The following ACSL3 variants were observed in gnomAD, a reference collection of about 807,000 sequenced individuals.
ACSL3 encodes acyl-CoA synthetase long chain family member 3.
ACSL3 carries 34 observed loss-of-function variants against 84.7 expected under a neutral mutation model. That is an observed-to-expected ratio of 0.40 (90% confidence interval 0.31 to 0.53). The LOEUF (loss-of-function observed/expected upper bound fraction) is 0.53. ACSL3 is among the 20% of genes least tolerant of loss of function. The probability of loss-of-function intolerance (pLI) is 0.48; values close to 1 mark genes in which losing one functional copy is unlikely to be tolerated. For synonymous variants in ACSL3, 315 were observed against 299.4 expected, an observed-to-expected ratio of 1.05 and a Z score of -0.54; for missense variants, 680 against 873.1, an observed-to-expected ratio of 0.78 and a Z score of 2.79.
intron 1 of ACSL3, among the ~76,000 whole-genome samples, chr2:222,864,285 T>G (rs1273646382): frequency 6.6e-6 from 1 of 152,062 alleles, no homozygotes; most frequent in Non-Finnish European, 1.5e-5. Context: ...AGGTACTGGT[T>G]TTGTGCTGAG....
chr2:222,866,393 C>T (rs1459803840), intron 1 of ACSL3, among the ~76,000 whole-genome samples: 1 of 152,192 alleles, frequency 6.6e-6, no homozygotes, highest in Non-Finnish European at 1.5e-5. Flanking sequence ...GATCCGCCCG[C>T]CTCGCCCTCC....
intron 4 of ACSL3, among the ~76,000 whole-genome samples, chr2:222,911,689 A>C (rs192010486): frequency 3.3e-5 from 5 of 152,336 alleles, no homozygotes; most frequent in Non-Finnish European, 7.4e-5. Flanking sequence ...AAAGAAGAAA[A>C]GCTTATGTGG....
At chr2:222,934,149 TTTTAA>T (rs1427656303) in intron 15 of ACSL3, among the ~76,000 whole-genome samples, 1 of 152,268 alleles carries the variant, frequency 6.6e-6, no homozygotes, top group Non-Finnish European at 1.5e-5. Flanking sequence ...TTAAGATAGT[TTTTAA>T]TTTATGTTAA....
At chr2:222,901,561 A>G (rs6719075) in intron 3 of ACSL3, among the ~76,000 whole-genome samples, 47,157 of 152,062 alleles carry the variant, frequency 0.31, 7,572 homozygotes, top group Admixed American at 0.41. Context: ...GAATTTTAAA[A>G]TCAGCTTACT....
chr2:222,917,847 T>TG, intron 5 of ACSL3, 199 bp from the exon 6 acceptor site: 1 of 374,138 alleles, frequency 2.7e-6, no homozygotes, highest in Non-Finnish European at 4.7e-6. Flanking sequence ...TTGGAAATCT[T>TG]GGGGCATTTA....
At chr2:222,924,851 G>A (rs1411397148) in intron 11 of ACSL3, among the ~76,000 whole-genome samples, 1 of 151,634 alleles carries the variant, frequency 6.6e-6, no homozygotes, top group Non-Finnish European at 1.5e-5. Context: ...GTGAAACCCC[G>A]TCTCTACTAA....
At chr2:222,922,142 T>C (rs1291118203) in intron 8 of ACSL3, among the ~76,000 whole-genome samples, 1 of 152,238 alleles carries the variant, frequency 6.6e-6, no homozygotes, top group Non-Finnish European at 1.5e-5. Flanking sequence ...ATTTTGGTTA[T>C]GGGGGCAGCT....
chr2:222,902,466 C>G (rs1420613658), intron 3 of ACSL3, among the ~76,000 whole-genome samples: 1 of 152,148 alleles, frequency 6.6e-6, no homozygotes, highest in Admixed American at 6.5e-5. Context: ...ACCATTCACA[C>G]CATTACCTTT....
chr2:222,938,848 G>T (rs1574571886), intron 16 of ACSL3, among the ~76,000 whole-genome samples: 1 of 152,160 alleles, frequency 6.6e-6, no homozygotes, highest in East Asian at 1.9e-4. Context: ...CAGAAGTCCT[G>T]TCTTGGAGTT....
At chr2:222,914,234 CGTGTGTGTGTGTGTGTGTGTGTGTGTGT>C (rs57546680) in intron 4 of ACSL3, among the ~76,000 whole-genome samples, 1 of 140,160 alleles carries the variant, frequency 7.1e-6, no homozygotes, top group Non-Finnish European at 1.5e-5. Flanking sequence ...TGTGTGTGTA[CGTGTGTGTGTGTGTGTGTGTGTGTGTGT>C]GTGTGTGTGT....
intron 1 of ACSL3, among the ~76,000 whole-genome samples, chr2:222,868,476 T>A (rs925974049): frequency 6.6e-6 from 1 of 152,238 alleles, no homozygotes. Flanking sequence ...TTTCTAAGCC[T>A]ACTCAGTTTG....
intron 2 of ACSL3, among the ~76,000 whole-genome samples, chr2:222,900,015 C>T (rs1000857593): frequency 2.0e-5 from 3 of 152,142 alleles, no homozygotes; most frequent in South Asian, 2.1e-4. Flanking sequence ...AAGACGGAGT[C>T]GCTCTGGTTC....
At chr2:222,868,223 G>A (rs924077907) in intron 1 of ACSL3, among the ~76,000 whole-genome samples, 2 of 152,026 alleles carry the variant, frequency 1.3e-5, no homozygotes, top group Admixed American at 1.3e-4. Flanking sequence ...GCAGTTTGGT[G>A]GGTAGGAACA....
intron 2 of ACSL3, among the ~76,000 whole-genome samples, chr2:222,899,737 G>T (rs1696088663): frequency 6.6e-6 from 1 of 152,032 alleles, no homozygotes; most frequent in African/African-American, 2.4e-5. Flanking sequence ...GGGAAGATGT[G>T]CTCTGCTACA....
At chr2:222,891,680 C>T (rs1695848299) in intron 2 of ACSL3, among the ~76,000 whole-genome samples, 1 of 152,124 alleles carries the variant, frequency 6.6e-6, no homozygotes, top group African/African-American at 2.4e-5. Flanking sequence ...TTTAAAATTA[C>T]ACTGGATAAC....
intron 7 of ACSL3, chr2:222,920,861 C>G (rs1048487803): frequency 4.9e-6 from 2 of 410,660 alleles, no homozygotes; most frequent in African/African-American, 2.1e-5. Context: ...ATATGCTGAG[C>G]ACATTCCTAC....
chr2:222,868,399 C>T (rs1695209767), intron 1 of ACSL3, among the ~76,000 whole-genome samples: 1 of 152,166 alleles, frequency 6.6e-6, no homozygotes, highest in Non-Finnish European at 1.5e-5. Flanking sequence ...AGGTGTCTGG[C>T]ATAGTCATTA....
intron 10 of ACSL3, among the ~76,000 whole-genome samples, chr2:222,923,545 G>T (rs1489153264): frequency 3.9e-5 from 6 of 152,156 alleles, no homozygotes; most frequent in African/African-American, 7.2e-5. Flanking sequence ...GGAAAGTCTG[G>T]CCTAAACACC....
At chr2:222,863,500 G>A (rs1338045748) in intron 1 of ACSL3, among the ~76,000 whole-genome samples, 2 of 152,142 alleles carry the variant, frequency 1.3e-5, no homozygotes, top group East Asian at 3.9e-4. Flanking sequence ...TGCCTTCAGG[G>A]TACTTAAAGC....
Sources: allele counts gnomAD v4.1 joint callset (sites outside exome capture counted in the v4.1 genomes callset), GRCh38; gene constraint gnomAD v4.1.1; transcripts MANE v1.5; gene names NCBI Gene and HGNC (gene_info 2026-07-23, HGNC 2026-07-21).